The following BRAF variants were observed in gnomAD, a reference collection of about 807,000 sequenced individuals.
BRAF encodes serine/threonine-protein kinase B-raf.
A neutral mutation model predicts 104.6 loss-of-function variants in BRAF; 16 were observed. The observed-to-expected ratio is 0.15, with a 90% CI of 0.10 to 0.23. The LOEUF (loss-of-function observed/expected upper bound fraction) is 0.23. Among genes scored for constraint, BRAF ranks in the 10% least tolerant of loss-of-function variants. BRAF has a pLI of 1.00. For missense variants in BRAF, 541 were observed against 937.3 expected (o/e 0.58, Z 5.52); for synonymous variants, 310 against 341.6 (o/e 0.91, Z 1.02).
At chr7:140,767,157 C>A (rs901986237) in intron 14 of BRAF, among the ~76,000 whole-genome samples, 3 of 152,172 alleles carry the variant, frequency 2.0e-5, no homozygotes, top group South Asian at 2.1e-4. Context: ...GCACAGACCA[C>A]CACGCCTGGC....
chr7:140,791,410 C>A (rs1349489086), intron 8 of BRAF, among the ~76,000 whole-genome samples: 1 of 152,144 alleles, frequency 6.6e-6, no homozygotes, highest in Non-Finnish European at 1.5e-5. Context: ...TTGGCTTCTG[C>A]AACACTTGTT....
intron 14 of BRAF, among the ~76,000 whole-genome samples, chr7:140,756,245 T>C (rs1206015663): frequency 6.6e-6 from 1 of 152,228 alleles, no homozygotes; most frequent in East Asian, 1.9e-4. Context: ...CAACACTTTA[T>C]ACCTGTGTAA....
At chr7:140,766,241 G>C (rs1799308237) in intron 14 of BRAF, among the ~76,000 whole-genome samples, 1 of 151,766 alleles carries the variant, frequency 6.6e-6, no homozygotes, top group Non-Finnish European at 1.5e-5. Flanking sequence ...ATTGAACAAT[G>C]AGAACACATG....
Position 140,924,683 on chromosome 7 carries a change from GC to G in BRAF, c.20del (p.Gly7AlafsTer47). On this transcript the variant is annotated frameshift_variant, in exon 1 of 20. Transcript: ENST00000644969. LOFTEE classifies it high-confidence loss of function. This position sits in a 1 kb window ranked among gnomAD's most constrained non-coding sequence, Gnocchi z 4.2. ...GGCCCGGCTCCGCGCCGCCACCACC[GC>G]CACCGCTCAGCGCCGCCATCTTATA... MAALSG[G>X]GGGGAEPGQA... 1 of 1,156,302 alleles carries G rather than the reference GC, an allele frequency of 8.6e-7. No homozygotes were observed. Among genetic ancestry groups the G allele is most frequent in the Non-Finnish European group, 1.2e-6 (1 of 814,660 alleles). The allele number at this position is 1,156,302 out of a possible 1,614,324, so 71.6% of individuals were successfully genotyped here.
intron 1 of BRAF, among the ~76,000 whole-genome samples, chr7:140,923,881 T>TAGAATGGGGGTTAC: frequency 6.6e-6 from 1 of 152,088 alleles, no homozygotes; most frequent in Non-Finnish European, 1.5e-5. Flanking sequence ...TAGATGGGAA[T>TAGAATGGGGGTTAC]AGAATGGGGG....
intron 1 of BRAF, among the ~76,000 whole-genome samples, chr7:140,913,583 A>C (rs1817257346): frequency 7.1e-6 from 1 of 141,338 alleles, no homozygotes; most frequent in Non-Finnish European, 1.5e-5. Context: ...CCCTGATTGA[A>C]GCGATTCTCT....
At chr7:140,854,652 C>A (rs578226967) in intron 1 of BRAF, among the ~76,000 whole-genome samples, 1 of 151,924 alleles carries the variant, frequency 6.6e-6, no homozygotes, top group Non-Finnish European at 1.5e-5. Flanking sequence ...GTATAAAAAA[C>A]GGTTAAGATT....
chr7:140,875,526 C>T (rs558197994), intron 1 of BRAF, among the ~76,000 whole-genome samples: 27 of 152,258 alleles, frequency 1.8e-4, no homozygotes, highest in Middle Eastern at 3.4e-3. Flanking sequence ...TAGGTGCCCG[C>T]GAACACGCCT....
intron 2 of BRAF, among the ~76,000 whole-genome samples, chr7:140,846,226 A>G (rs189400451): frequency 6.6e-6 from 1 of 152,338 alleles, no homozygotes; most frequent in Non-Finnish European, 1.5e-5. Flanking sequence ...TATTGATAAT[A>G]GCCAAAACGT....
At chr7:140,852,186 T>G (rs1809246135) in intron 1 of BRAF, among the ~76,000 whole-genome samples, 1 of 151,804 alleles carries the variant, frequency 6.6e-6, no homozygotes, top group Non-Finnish European at 1.5e-5. Flanking sequence ...CTGGGCAACA[T>G]AGCAAAACCC....
intron 19 of BRAF, chr7:140,731,187 T>TA (rs1233817228): frequency 6.6e-6 from 1 of 152,162 alleles, no homozygotes; most frequent in Admixed American, 6.5e-5. Flanking sequence ...GGCTAATTTT[T>TA]AAATTTTTCT....
chr7:140,887,171 G>A (rs997589302), intron 1 of BRAF, among the ~76,000 whole-genome samples: 2 of 152,156 alleles, frequency 1.3e-5, no homozygotes, highest in African/African-American at 4.8e-5. Context: ...AGATAAGCAG[G>A]CTGCTGAGAG....
At chr7:140,806,459 A>C (rs541881421) in intron 5 of BRAF, among the ~76,000 whole-genome samples, 8 of 152,150 alleles carry the variant, frequency 5.3e-5, no homozygotes, top group Non-Finnish European at 1.0e-4. Context: ...TATCCAACTG[A>C]GTGGTGACAA....
chr7:140,909,624 C>A (rs574946317), intron 1 of BRAF, among the ~76,000 whole-genome samples: 1 of 152,038 alleles, frequency 6.6e-6, no homozygotes, highest in Admixed American at 6.6e-5. Flanking sequence ...CCATCAATTA[C>A]GTGATTTTCT....
rs990182935 is a variant in BRAF, at chr7:140,830,114, T to C, written c.504+4495A>G. The stretch of plus-strand genomic sequence containing the variant: ...AATTTGCACAAACTCTGTGGTCCTC[T>C]GAATGACTCAATTTTTATATCAAAC... On this transcript the variant is annotated intron_variant, in intron 3 of 19. Transcript: ENST00000644969. Among the ~76,000 whole-genome samples the C allele has an allele frequency of 1.8e-4, 28 of 152,354 alleles. 5 individuals carry two copies. The highest frequency in any genetic ancestry group is 9.8e-4 in the Admixed American group (15 of 15,306).
intron 3 of BRAF, chr7:140,822,380 G>A (rs901447181): frequency 6.6e-6 from 1 of 152,270 alleles, no homozygotes; most frequent in East Asian, 1.9e-4. Context: ...TCACATTCAA[G>A]ATAATGAACA....
At position 140,831,129 on chromosome 7, in the gene BRAF, G is replaced by T. The variant is rs574784201; in HGVS notation, c.504+3480C>A. ...AGTGTCAGAATTGAGTTAAATTGAA[G>T]GCAACTTAACAACAATTGCAGACAA... On this transcript the variant is annotated intron_variant, in intron 3 of 19. Coordinates refer to ENST00000644969, the MANE Select transcript of BRAF (RefSeq NM_001374258.1). Among the ~76,000 whole-genome samples the T allele has an allele frequency of 1.6e-4, 25 of 152,194 alleles. No homozygotes were observed. In the South Asian group the frequency reaches 5.0e-3, roughly 30 times the overall value.
intron 8 of BRAF, among the ~76,000 whole-genome samples, chr7:140,791,670 A>G (rs1801983652): frequency 1.3e-5 from 2 of 152,224 alleles, no homozygotes; most frequent in African/African-American, 4.8e-5. Context: ...AAAGTCCCAC[A>G]GGCATCTTAA....
Position 140,734,849 on chromosome 7 carries a change from A to G in BRAF, c.2248-79T>C. 3.5e-6 allele frequency: 5 copies of G among 1,421,990 alleles called. No homozygotes were observed. The South Asian group carries it at 6.8e-5, about 19-fold the overall frequency. The allele number at this position is 1,421,990 out of a possible 1,614,324, so 88.1% of individuals were successfully genotyped here. On this transcript the variant is annotated intron_variant, in intron 18 of 19. Transcript: ENST00000644969. ...GAAAGAAAGAAAAAGAAAAAACAGA[A>G]AGAAGAATGAAAATCTGGGTGGTAT...
Sources: gnomAD v4.1 joint callset for allele counts (sites outside exome capture counted in the v4.1 genomes callset) on GRCh38, gnomAD v4.1.1 for gene constraint, Gnocchi (gnomAD v3.1) non-coding constraint, MANE v1.5 for transcripts, NCBI Gene and HGNC (gene_info 2026-07-23, HGNC 2026-07-21) for gene names.